Variants in RPS6KC1 observed in about 807,000 individuals in gnomAD.
RPS6KC1 encodes the protein inactive ribosomal protein S6 kinase delta-1.
Under a neutral mutation model 103.8 loss-of-function variants are expected in RPS6KC1, and 54 were observed. The ratio of observed to expected loss-of-function variants is 0.52; its 90% CI spans 0.42 to 0.65. The LOEUF (loss-of-function observed/expected upper bound fraction) is 0.65, where lower values mean the gene tolerates loss of function less well. Among genes scored for constraint, RPS6KC1 ranks in the 30% least tolerant of loss-of-function variants. The pLI is 0.00. For missense variants in RPS6KC1, 1,151 were observed against 1,253.8 expected, an observed-to-expected ratio of 0.92 and a Z score of 1.24; for synonymous variants, 439 against 438.7, an observed-to-expected ratio of 1.00 and a Z score of -0.01.
At chr1:213,161,490 T>C (rs2090470011) in intron 6 of RPS6KC1, among the ~76,000 whole-genome samples, 1 of 152,108 alleles carries the variant, frequency 6.6e-6, no homozygotes, top group African/African-American at 2.4e-5. Context: ...CCAGCTAATT[T>C]TTGTATTTTT....
chr1:213,365,211 T>C, the RPS6KC1 span, among the ~76,000 whole-genome samples: 1 of 152,170 alleles, frequency 6.6e-6, no homozygotes, highest in South Asian at 2.1e-4. Context: ...CATCAAACCT[T>C]TGTATTTATC....
the RPS6KC1 span, among the ~76,000 whole-genome samples, chr1:213,788,957 T>A: frequency 0.019 from 2,866 of 152,244 alleles, 81 homozygotes; most frequent in African/African-American, 0.064. Flanking sequence ...CTCAAAAAGC[T>A]TTCCAGAGCA....
chr1:213,070,911 A>T, intron 1 of RPS6KC1, 95 bp from the exon 2 acceptor site: 1 of 777,382 alleles, frequency 1.3e-6, no homozygotes, highest in Non-Finnish European at 2.0e-6. Context: ...AGCAAATTGA[A>T]TTTTTCATAC....
At chr1:213,392,896 G>A in the RPS6KC1 span, among the ~76,000 whole-genome samples, 128 of 152,278 alleles carry the variant, frequency 8.4e-4, no homozygotes, top group African/African-American at 2.4e-3. Context: ...CCTAAAGTGC[G>A]GATGTTGGTG....
At chr1:213,797,679 C>T in the RPS6KC1 span, among the ~76,000 whole-genome samples, 1 of 152,194 alleles carries the variant, frequency 6.6e-6, no homozygotes, top group Non-Finnish European at 1.5e-5. Context: ...AATTATTTGG[C>T]TAAATCCTGG....
the RPS6KC1 span, among the ~76,000 whole-genome samples, chr1:213,523,649 C>A: frequency 6.6e-6 from 1 of 152,076 alleles, no homozygotes; most frequent in Non-Finnish European, 1.5e-5. Context: ...TCTTTATGAC[C>A]ATTATTTTTT....
chr1:213,627,632 AG>A, the RPS6KC1 span, among the ~76,000 whole-genome samples: 7 of 152,236 alleles, frequency 4.6e-5, no homozygotes, highest in Non-Finnish European at 8.8e-5. Flanking sequence ...TTTAGCATGA[AG>A]GGCTGTTGAA....
At chr1:213,375,715 C>T in the RPS6KC1 span, among the ~76,000 whole-genome samples, 1 of 152,204 alleles carries the variant, frequency 6.6e-6, no homozygotes, top group Non-Finnish European at 1.5e-5. Context: ...CTGTCTCATG[C>T]ACCCCAAGGG....
At chr1:213,828,917 C>T in the RPS6KC1 span, among the ~76,000 whole-genome samples, 18,416 of 152,162 alleles carry the variant, frequency 0.12, 2,141 homozygotes, top group African/African-American at 0.3. Flanking sequence ...GAAATGTAAT[C>T]ACAGTTTTTA....
intron 6 of RPS6KC1, among the ~76,000 whole-genome samples, chr1:213,152,079 A>G (rs535107640): frequency 1.3e-3 from 170 of 132,942 alleles, no homozygotes; most frequent in African/African-American, 4.7e-3. Flanking sequence ...TCCCTCCCGG[A>G]CGGGGCGGCT....
chr1:213,545,602 T>G, the RPS6KC1 span, among the ~76,000 whole-genome samples: 1 of 152,058 alleles, frequency 6.6e-6, no homozygotes, highest in Non-Finnish European at 1.5e-5. Flanking sequence ...TCCACCTTCA[T>G]GACCTCATTT....
the RPS6KC1 span, among the ~76,000 whole-genome samples, chr1:213,823,981 C>A: frequency 3.9e-5 from 6 of 152,076 alleles, no homozygotes; most frequent in Non-Finnish European, 7.4e-5. Context: ...GAGAACAGGG[C>A]AAATATTTCT....
At chr1:213,664,643 G>A in the RPS6KC1 span, among the ~76,000 whole-genome samples, 2 of 152,080 alleles carry the variant, frequency 1.3e-5, no homozygotes. Flanking sequence ...AAACCATATA[G>A]GCCATAGGTT....
chr1:213,617,795 A>G, the RPS6KC1 span, among the ~76,000 whole-genome samples: 867 of 152,296 alleles, frequency 5.7e-3, 3 homozygotes, highest in South Asian at 0.013. Context: ...ACATTTCACT[A>G]TCCTAAAGCC....
chr1:213,424,934 A>G, the RPS6KC1 span, among the ~76,000 whole-genome samples: 347 of 152,242 alleles, frequency 2.3e-3, 1 homozygote, highest in Non-Finnish European at 3.7e-3. Flanking sequence ...CCTCTGTCCC[A>G]GGGCACTGTG....
intron 6 of RPS6KC1, among the ~76,000 whole-genome samples, chr1:213,155,587 C>T (rs369923498): frequency 3.3e-4 from 50 of 152,282 alleles, no homozygotes; most frequent in East Asian, 1.9e-3. Context: ...CTCCCCCAGA[C>T]GCTCTCATAG....
the RPS6KC1 span, among the ~76,000 whole-genome samples, chr1:213,516,894 T>C: frequency 1.3e-5 from 2 of 152,214 alleles, no homozygotes; most frequent in African/African-American, 4.8e-5. Context: ...GATTATTGCC[T>C]TCATTTCAGA....
the RPS6KC1 span, among the ~76,000 whole-genome samples, chr1:213,674,235 T>C: frequency 6.6e-6 from 1 of 152,188 alleles, no homozygotes; most frequent in Admixed American, 6.5e-5. Flanking sequence ...GCCAGACTGG[T>C]CTTGAACTCC....
At chr1:213,217,150 G>A (rs1374400294) in intron 8 of RPS6KC1, among the ~76,000 whole-genome samples, 1 of 151,510 alleles carries the variant, frequency 6.6e-6, no homozygotes, top group Non-Finnish European at 1.5e-5. Flanking sequence ...AGAAAAGAGA[G>A]AAGAATCAAA....
Sources: gnomAD v4.1 joint callset for allele counts (sites outside exome capture counted in the v4.1 genomes callset) on GRCh38, gnomAD v4.1.1 for gene constraint, MANE v1.5 for transcripts, NCBI Gene and HGNC (gene_info 2026-07-23, HGNC 2026-07-21) for gene names.